The following PLA2G4D variants were observed in gnomAD, a reference collection of about 807,000 sequenced individuals.
The protein encoded by PLA2G4D is cytosolic phospholipase A2 delta.
In PLA2G4D, 80 loss-of-function variants were observed where a neutral mutation model predicts 94.4. That is an observed-to-expected ratio of 0.85 (90% CI 0.71 to 1.02). The LOEUF is 1.02. Ranked by LOEUF, PLA2G4D falls within the 50% of genes least tolerant of loss-of-function variation. PLA2G4D has a pLI of 0.00. For synonymous variants in PLA2G4D, 438 were observed against 440.9 expected, an observed-to-expected ratio of 0.99 and a Z score of 0.08; for missense variants, 1,050 against 1,034.7, an observed-to-expected ratio of 1.01 and a Z score of -0.20.
chr15:42,079,051 G>A (rs1361400559), intron 13 of PLA2G4D, among the ~76,000 whole-genome samples: 3 of 152,194 alleles, frequency 2.0e-5, no homozygotes, highest in African/African-American at 7.2e-5. Flanking sequence ...ACAGCTCTAT[G>A]ACTTAAGAAC....
At chr15:42,086,545 T>C (rs1474385268) in intron 3 of PLA2G4D, among the ~76,000 whole-genome samples, 1 of 152,194 alleles carries the variant, frequency 6.6e-6, no homozygotes, top group East Asian at 1.9e-4. Context: ...TTCTAATTTT[T>C]GTTTTTATCA....
Position 42,081,464 on chromosome 15 carries a change from T to C in PLA2G4D, c.957+15A>G, listed in dbSNP as rs755944312. ...TCCAGGATATCTGCACACACATCCCTCTGCACCCCCAGACCTCATCCTCCT... is the reference window on the plus strand; with the variant it reads ...TCCAGGATATCTGCACACACATCCCCCTGCACCCCCAGACCTCATCCTCCT... On this transcript the variant is annotated intron_variant, in intron 11 of 19. Transcript: ENST00000290472. The C allele has an allele frequency of 6.2e-7, 1 of 1,611,642 alleles. No homozygotes were observed. Among genetic ancestry groups the C allele is most frequent in the South Asian group, 1.1e-5 (1 of 90,616 alleles).
chr15:42,084,242 A>G lies in PLA2G4D; in HGVS notation c.472-463T>C, dbSNP rs1890098009. Among the ~76,000 whole-genome samples the G allele has an allele frequency of 6.6e-6, 1 of 152,118 alleles. No homozygotes were observed. The highest frequency in any genetic ancestry group is 3.2e-3 in the Middle Eastern group (1 of 316). ...CTAACTGGGGGACAATGACAAGGCCAGGCCCCCGTGGCCTTGCCAAGGGAG... is the reference window on the plus strand; with the variant it reads ...CTAACTGGGGGACAATGACAAGGCCGGGCCCCCGTGGCCTTGCCAAGGGAG... On this transcript the variant is annotated intron_variant, in intron 6 of 19. Transcript: ENST00000290472. This position sits in a 1 kb window ranked among gnomAD's most constrained non-coding sequence, Gnocchi z 4.8.
intron 1 of PLA2G4D, among the ~76,000 whole-genome samples, chr15:42,093,193 G>A (rs201916224): frequency 7.2e-4 from 109 of 152,340 alleles, no homozygotes; most frequent in African/African-American, 2.4e-3. Context: ...CACAGGAACC[G>A]ACTTGAAGGC....
chr15:42,069,011 G>A (rs939266106), intron 19 of PLA2G4D, 70 bp from the exon 20 acceptor site: 1 of 1,418,900 alleles, frequency 7.0e-7, no homozygotes, highest in Non-Finnish European at 9.6e-7. Flanking sequence ...CGGCGCACAG[G>A]GAGGGCTGCC....
Position 42,070,059 on chromosome 15 carries a change from C to A in PLA2G4D, c.2080G>T (p.Gly694Trp). The change falls in exon 19 of 20, where the codon GGG becomes TGG. Residue 694 changes from glycine (G) to tryptophan (W), a missense_variant. Coordinates refer to ENST00000290472, the MANE Select transcript of PLA2G4D (RefSeq NM_178034.4). ...QQTELYCRAR[G>W]LPFPRVEPSP... ...GGTTCCACCCGGGGGAAGGGCAGCC[C>A]CCGGGCCCGGCAGTACAGCTCCGTC... 15 of 1,521,616 alleles carry A rather than the reference C, an allele frequency of 9.9e-6. No homozygotes were observed. Among genetic ancestry groups the A allele is most frequent in the Admixed American group, 2.1e-5 (1 of 46,834 alleles). 94.3% of individuals were successfully genotyped at this position (1,521,616 alleles called of 1,614,324 possible).
rs981944479 is a variant in PLA2G4D, at chr15:42,081,477, A to T, written c.957+2T>A. ...CACACACATCCCTCTGCACCCCCAG[A>T]CCTCATCCTCCTGCAGGTCTCTGTC... On this transcript the variant is annotated splice_donor_variant, in intron 11 of 19. Coordinates refer to ENST00000290472, the MANE Select transcript of PLA2G4D (RefSeq NM_178034.4). LOFTEE classifies it high-confidence loss of function. 4 of 1,613,126 alleles carry T rather than the reference A, an allele frequency of 2.5e-6. No individual in the cohort carries two copies. Among genetic ancestry groups the T allele is most frequent in the Non-Finnish European group, 2.5e-6 (3 of 1,179,582 alleles).
chr15:42,071,342 G>T, intron 16 of PLA2G4D, 25 bp from the exon 17 acceptor site: 2 of 1,570,658 alleles, frequency 1.3e-6, no homozygotes, highest in Non-Finnish European at 1.7e-6. Flanking sequence ...ACAGAAATTG[G>T]TCCCTTCTTC....
rs1313175131 is a variant in PLA2G4D, at chr15:42,070,064, GC to G, written c.2074del (p.Ala692ProfsTer80). The stretch of plus-strand genomic sequence containing the variant: ...CACCCGGGGGAAGGGCAGCCCCCGG[GC>G]CCGGCAGTACAGCTCCGTCTGCTGC... Reference protein sequence around the residue: ...ALQQTELYCRARGLPFPRVEP... With the variant: ...ALQQTELYCRXRGLPFPRVEP... On this transcript the variant is annotated frameshift_variant, in exon 19 of 20. Coordinates refer to ENST00000290472, the MANE Select transcript of PLA2G4D (RefSeq NM_178034.4). LOFTEE classifies it high-confidence loss of function. 2 of 1,522,564 alleles carry G rather than the reference GC, an allele frequency of 1.3e-6. No individual in the cohort carries two copies. Among genetic ancestry groups the G allele is most frequent in the South Asian group, 1.3e-5 (1 of 79,790 alleles). 94.3% of individuals were successfully genotyped at this position (1,522,564 alleles called of 1,614,324 possible).
chr15:42,086,194 T>TACCCCCCCCC lies in PLA2G4D; in HGVS notation c.387+18_387+19insGGGGGGGGGT. 1 of 1,370,444 alleles carries TACCCCCCCCC rather than the reference T, an allele frequency of 7.3e-7. No homozygotes were observed. Among genetic ancestry groups the TACCCCCCCCC allele is most frequent in the South Asian group, 1.5e-5 (1 of 66,866 alleles). 84.9% of individuals were successfully genotyped at this position (1,370,444 alleles called of 1,614,324 possible). On this transcript the variant is annotated intron_variant, in intron 4 of 19. Coordinates refer to ENST00000290472, the MANE Select transcript of PLA2G4D (RefSeq NM_178034.4). ...GGAAGAAGTGGGGCCCACGGGGACT[T>TACCCCCCCCC]CCCCACCCACCCACCCACCTGGGGA...
chr15:42,086,194 T>TTGGGGGGGGGCCG lies in PLA2G4D; in HGVS notation c.387+18_387+19insCGGCCCCCCCCCA. On this transcript the variant is annotated intron_variant, in intron 4 of 19. Transcript: ENST00000290472. Reference sequence around the variant, plus strand: ...GGAAGAAGTGGGGCCCACGGGGACTTCCCCACCCACCCACCCACCTGGGGA... The same window carrying TTGGGGGGGGGCCG: ...GGAAGAAGTGGGGCCCACGGGGACTTTGGGGGGGGGCCGCCCCACCCACCCACCCACCTGGGGA... 1.5e-6 allele frequency: 2 copies of TTGGGGGGGGGCCG among 1,370,436 alleles called. No homozygotes were observed. Among genetic ancestry groups the TTGGGGGGGGGCCG allele is most frequent in the Non-Finnish European group, 1.9e-6 (2 of 1,043,076 alleles). 84.9% of individuals were successfully genotyped at this position (1,370,436 alleles called of 1,614,324 possible). A position where few individuals can be genotyped will look rare whatever the true frequency, so the allele number is the denominator to read the frequency against.
chr15:42,070,265 G>A, intron 18 of PLA2G4D, 170 bp from the exon 19 acceptor site: 1 of 618,930 alleles, frequency 1.6e-6, no homozygotes. Context: ...GGGAGTCCAA[G>A]GACTCTGGTG....
Position 42,068,814 on chromosome 15 carries a change from G to T in PLA2G4D, c.2358C>A (p.Asp786Glu), listed in dbSNP as rs147198080. 1 of 1,613,878 alleles carries T rather than the reference G, an allele frequency of 6.2e-7. No homozygotes were observed. The highest frequency in any genetic ancestry group is 8.5e-7 in the Non-Finnish European group (1 of 1,179,908). Residue 786 changes from aspartate (D) to glutamate (E), a missense_variant, in exon 20 of 20, where the codon GAC becomes GAA. Asp to Glu is a conservative substitution (Grantham distance 45). Coordinates refer to ENST00000290472, the MANE Select transcript of PLA2G4D (RefSeq NM_178034.4). ...EDFERLLRLS[D>E]YNVQTSQGAI... ...CACCCTGGCTGGTCTGCACGTTGTA[G>T]TCACTGAGCCGCAGCAGGCGCTCGA...
In PLA2G4D at chr15:42,070,494, G is replaced by A; in HGVS notation, c.2043+223C>T. The A allele has an allele frequency of 5.1e-6, 3 of 587,028 alleles. No individual in the cohort carries two copies. In the South Asian group the frequency reaches 6.9e-5, roughly 13 times the overall value. 36.4% of individuals were successfully genotyped at this position (587,028 alleles called of 1,614,324 possible). On this transcript the variant is annotated intron_variant, in intron 18 of 19. Transcript: ENST00000290472. ...TCCAGCTGTTCTTTGGAGTAGGTGT[G>A]GGGAGGTCCCTCCCTGTTCACCTGT...
intron 18 of PLA2G4D, 193 bp from the exon 19 acceptor site, chr15:42,070,288 G>GAC (rs1889778600): frequency 3.5e-6 from 2 of 578,574 alleles, no homozygotes; most frequent in Admixed American, 7.7e-5. Flanking sequence ...CTGCAATGTT[G>GAC]TTTGGTTAAA....
chr15:42,080,854 C>A (rs1890021218), intron 12 of PLA2G4D, 143 bp downstream of exon 12: 5 of 1,182,846 alleles, frequency 4.2e-6, no homozygotes, highest in African/African-American at 3.1e-5. Context: ...TGTTTCCTTC[C>A]TTGTGGGAAA....
intron 1 of PLA2G4D, among the ~76,000 whole-genome samples, chr15:42,091,425 C>G (rs1890242288): frequency 6.6e-6 from 1 of 152,206 alleles, no homozygotes; most frequent in African/African-American, 2.4e-5. Flanking sequence ...AGAGTGCGAG[C>G]CTTCTGTTAT....
rs769707299 is a variant in PLA2G4D at position 42,070,772 on chromosome 15, C to T, written c.1988G>A (p.Gly663Asp). 7 of 1,593,830 alleles carry T rather than the reference C, an allele frequency of 4.4e-6. No homozygotes were observed. Among genetic ancestry groups the T allele is most frequent in the Non-Finnish European group, 6.0e-6 (7 of 1,169,532 alleles). Residue 663 changes from glycine to aspartate, a missense_variant, in exon 18 of 20, where the codon GGC becomes GAC. Transcript: ENST00000290472. ...GGAGAGGATGAGGTCCAGCCTGCGGCCTGGCCGGAACATGGAGGGAGAGCT... is the reference window on the plus strand; with the variant it reads ...GGAGAGGATGAGGTCCAGCCTGCGGTCTGGCCGGAACATGGAGGGAGAGCT... ...NTSSPSMFRP[G>D]RRLDLILSFD...
chr15:42,072,139 A>G, intron 14 of PLA2G4D, 136 bp downstream of exon 14: 1 of 975,970 alleles, frequency 1.0e-6, no homozygotes, highest in African/African-American at 1.6e-5. Flanking sequence ...AGATGCCCTG[A>G]GCCCCTCAGC....
Sources: allele counts gnomAD v4.1 joint callset (sites outside exome capture counted in the v4.1 genomes callset), GRCh38; gene constraint gnomAD v4.1.1; non-coding constraint Gnocchi (gnomAD v3.1); transcripts MANE v1.5; gene names NCBI Gene and HGNC (gene_info 2026-07-23, HGNC 2026-07-21).